CFAP91: variants seen among roughly 807,000 people sequenced by gnomAD.
The protein encoded by CFAP91 is cilia and flagella associated protein 91.
Under a neutral mutation model 95.9 loss-of-function variants are expected in CFAP91, and 85 were observed. The ratio of observed to expected loss-of-function variants is 0.89; its 90% confidence interval spans 0.74 to 1.06. The LOEUF (loss-of-function observed/expected upper bound fraction) is 1.06, where lower values mean the gene tolerates loss of function less well. CFAP91 is among the 50% of genes least tolerant of loss of function. The pLI, the probability that CFAP91 is intolerant of heterozygous loss-of-function variation, is 0.00. For missense variants in CFAP91, 962 were observed against 943.4 expected (o/e 1.02, Z -0.26); for synonymous variants, 335 against 327.5 (o/e 1.02, Z -0.25).
At chr3:119,715,923 T>C in intron 6 of CFAP91, 180 bp downstream of exon 6, 1 of 614,170 alleles carries the variant, frequency 1.6e-6, no homozygotes, top group South Asian at 2.0e-5. Flanking sequence ...AGATACTATC[T>C]TTTTATTGTG....
At chr3:119,758,580 G>A (rs969963220) in intron 17 of CFAP91, among the ~76,000 whole-genome samples, 1 of 152,142 alleles carries the variant, frequency 6.6e-6, no homozygotes, top group Non-Finnish European at 1.5e-5. Context: ...TCAAGTGGAA[G>A]TAGTTAATCT....
chr3:119,740,703 T>A lies in CFAP91; in HGVS notation c.1680+8T>A. 6.2e-7 allele frequency: 1 copy of A among 1,610,842 alleles called. No homozygotes were observed. Among genetic ancestry groups the A allele is most frequent in the Non-Finnish European group, 8.5e-7 (1 of 1,178,108 alleles). On this transcript the variant is annotated splice_region_variant and intron_variant, in intron 13 of 17. Coordinates refer to ENST00000273390, the MANE Select transcript of CFAP91 (RefSeq NM_033364.4). ...AACTTGCATGAGCACAAGGTTTTCC[T>A]TTTTTTGTTTTCTTGTTACTTTCTT... is the stretch of plus-strand genomic sequence containing the variant.
chr3:119,740,893 C>T (rs935135240), intron 13 of CFAP91, 198 bp downstream of exon 13: 7 of 601,720 alleles, frequency 1.2e-5, no homozygotes, highest in Admixed American at 5.6e-5. Context: ...TTCACTCTAT[C>T]GCCCAGGCTG....
chr3:119,734,116 C>T (rs934971471), intron 10 of CFAP91, among the ~76,000 whole-genome samples: 5 of 152,094 alleles, frequency 3.3e-5, no homozygotes, highest in Non-Finnish European at 4.4e-5. Flanking sequence ...CCAAAGTTTC[C>T]GATTCAGTAG....
intron 1 of CFAP91, among the ~76,000 whole-genome samples, chr3:119,703,959 C>A (rs1014893054): frequency 4.6e-5 from 7 of 152,164 alleles, no homozygotes; most frequent in Non-Finnish European, 1.0e-4. Flanking sequence ...CCAATTTTGC[C>A]CTCTGCAATC....
intron 10 of CFAP91, among the ~76,000 whole-genome samples, chr3:119,734,527 G>A (rs979593661): frequency 2.0e-5 from 3 of 152,068 alleles, no homozygotes; most frequent in East Asian, 3.9e-4. Context: ...TTTATCAAAT[G>A]TTTATCACAC....
intron 17 of CFAP91, among the ~76,000 whole-genome samples, chr3:119,760,184 T>A (rs996573327): frequency 1.3e-5 from 2 of 151,538 alleles, no homozygotes; most frequent in Non-Finnish European, 3.0e-5. Context: ...AGTGAAAGGA[T>A]GAAAAAAGAT....
intron 13 of CFAP91, among the ~76,000 whole-genome samples, chr3:119,741,548 G>A (rs1454405530): frequency 1.3e-5 from 2 of 152,106 alleles, no homozygotes; most frequent in South Asian, 4.1e-4. Context: ...ACCAACAACT[G>A]TAAATATTTT....
intron 17 of CFAP91, among the ~76,000 whole-genome samples, chr3:119,752,792 AT>A (rs1474792107): frequency 6.6e-6 from 1 of 152,224 alleles, no homozygotes; most frequent in Non-Finnish European, 1.5e-5. Context: ...AATATATTTC[AT>A]TAAAGCCTAT....
At chr3:119,744,488 C>T (rs2054185453) in intron 14 of CFAP91, among the ~76,000 whole-genome samples, 1 of 152,176 alleles carries the variant, frequency 6.6e-6, no homozygotes, top group East Asian at 1.9e-4. Context: ...AAGCCAGTTA[C>T]TTCACTTGCT....
chr3:119,709,710 T>C (rs2053439714), intron 4 of CFAP91, 129 bp from the exon 5 acceptor site: 4 of 706,094 alleles, frequency 5.7e-6, no homozygotes, highest in Non-Finnish European at 7.5e-6. Context: ...TCCAGAAGTT[T>C]GAGTAACACT....
At chr3:119,749,174 C>T (rs140688485) in intron 16 of CFAP91, 2 of 152,142 alleles carry the variant, frequency 1.3e-5, no homozygotes, top group Admixed American at 1.3e-4. Flanking sequence ...CCATTACACC[C>T]TTGGTTGAAT....
intron 17 of CFAP91, among the ~76,000 whole-genome samples, chr3:119,756,862 T>C (rs1383807262): frequency 2.0e-5 from 3 of 152,036 alleles, no homozygotes; most frequent in Admixed American, 6.6e-5. Context: ...ACAGAACCAA[T>C]AGAAAGCACT....
rs550236089 is a variant in CFAP91 at position 119,715,695 on chromosome 3, T to C, written c.634T>C (p.Cys212Arg). The C allele has an allele frequency of 3.7e-6, 6 of 1,614,084 alleles. No homozygotes were observed. Among genetic ancestry groups the C allele is most frequent in the East Asian group, 2.2e-5 (1 of 44,884 alleles). The change falls in exon 6 of 18, where the codon TGT becomes CGT. Residue 212 changes from cysteine (C) to arginine (R), a missense_variant. Physicochemically the swap from Cys to Arg is radical, Grantham distance 180 (BLOSUM62 -3). Coordinates refer to ENST00000273390, the MANE Select transcript of CFAP91 (RefSeq NM_033364.4). ...TCCATACTCTGCAGAATATGTAGTATGTCAGGACTCAATCCCTGAGCTCTT... is the reference window on the plus strand; with the variant it reads ...TCCATACTCTGCAGAATATGTAGTACGTCAGGACTCAATCCCTGAGCTCTT... ...TDPYSAEYVV[C>R]QDSIPELLTL... is the part of the protein sequence containing the mutation.
At chr3:119,747,496 C>T (rs534655375) in intron 15 of CFAP91, 7 of 561,326 alleles carry the variant, frequency 1.2e-5, no homozygotes, top group Admixed American at 6.7e-5. Context: ...TAAGAATACT[C>T]GGAAGCATGA....
rs567769553 is a variant in CFAP91 at position 119,704,084 on chromosome 3, A to C, written c.124+862A>C. ...ACACATTCCTAGATAGAGGCTGTGT[A>C]ATGATTGCTGACATATTCTGGCCAG... On this transcript the variant is annotated intron_variant, in intron 1 of 17. Coordinates refer to ENST00000273390, the MANE Select transcript of CFAP91 (RefSeq NM_033364.4). Among the ~76,000 whole-genome samples, 125 of 152,324 alleles carry C rather than the reference A, an allele frequency of 8.2e-4. 2 individuals carry two copies. The South Asian group carries it at 0.022, about 27-fold the overall frequency.
intron 2 of CFAP91, 196 bp from the exon 3 acceptor site, chr3:119,707,208 C>A (rs4234664): frequency 1.9e-6 from 1 of 516,512 alleles, no homozygotes; most frequent in Non-Finnish European, 3.4e-6. Context: ...TCCCCTACCC[C>A]CTCCACATAA....
At position 119,714,206 on chromosome 3, in the gene CFAP91, C is replaced by CA. The variant is rs1222848428; in HGVS notation, c.501-1346dup. On this transcript the variant is annotated intron_variant, in intron 5 of 17. Transcript: ENST00000273390. ...CGAAACCCCGTCTCTACTAAAAATA[C>CA]AAAAAAAAAATTAGCCGGGCGTGGT... Among the ~76,000 whole-genome samples the CA allele has an allele frequency of 7.9e-3, 1,168 of 147,242 alleles. 12 individuals carry two copies. Among genetic ancestry groups the CA allele is most frequent in the African/African-American group, 0.025 (994 of 40,284 alleles).
intron 2 of CFAP91, 27 bp downstream of exon 2, chr3:119,706,912 A>T (rs2053376095): frequency 6.5e-7 from 1 of 1,533,638 alleles, no homozygotes; most frequent in African/African-American, 1.4e-5. Context: ...AGCCAAGGCT[A>T]CCTGATGAAC....
Sources: allele counts gnomAD v4.1 joint callset (sites outside exome capture counted in the v4.1 genomes callset), GRCh38; gene constraint gnomAD v4.1.1; transcripts MANE v1.5; gene names NCBI Gene and HGNC (gene_info 2026-07-23, HGNC 2026-07-21).